The following PDZRN4 variants were observed in gnomAD, a reference collection of about 807,000 sequenced individuals.
PDZRN4 encodes the protein PDZ domain containing ring finger 4.
PDZRN4 carries 70 observed loss-of-function variants against 99.0 expected under a neutral mutation model. The observed-to-expected ratio is 0.71, with a 90% CI of 0.58 to 0.86. PDZRN4 has a LOEUF of 0.86. Ranked by LOEUF, PDZRN4 falls within the 40% of genes least tolerant of loss-of-function variation. The probability of loss-of-function intolerance (pLI) is 0.00; values close to 1 mark genes in which losing one functional copy is unlikely to be tolerated. For synonymous variants in PDZRN4, 551 were observed against 501.6 expected (o/e 1.10, Z -1.32); for missense variants, 1,474 against 1,331.2 (o/e 1.11, Z -1.67).
intron 3 of PDZRN4, among the ~76,000 whole-genome samples, chr12:41,353,697 T>C (rs573620202): frequency 6.6e-6 from 1 of 152,234 alleles, no homozygotes; most frequent in South Asian, 2.1e-4. Context: ...GCTCAGGGGC[T>C]GCCTGGCCTC....
intron 3 of PDZRN4, among the ~76,000 whole-genome samples, chr12:41,317,469 C>T (rs2120965979): frequency 6.6e-6 from 1 of 152,106 alleles, no homozygotes; most frequent in Non-Finnish European, 1.5e-5. Flanking sequence ...GTGTTCAGCT[C>T]ATCTAAAAAA....
chr12:41,242,628 G>GAC (rs112751345), intron 3 of PDZRN4, among the ~76,000 whole-genome samples: 6,511 of 148,620 alleles, frequency 0.044, 166 homozygotes, highest in East Asian at 0.065. Flanking sequence ...TGTTCTTGTG[G>GAC]ACACACACAC....
At chr12:41,291,888 G>A (rs1484219702) in intron 3 of PDZRN4, among the ~76,000 whole-genome samples, 1 of 152,114 alleles carries the variant, frequency 6.6e-6, no homozygotes, top group East Asian at 1.9e-4. Context: ...TGGTACATGA[G>A]ATGCAACCTT....
chr12:41,322,143 T>C (rs1951682769), intron 3 of PDZRN4, among the ~76,000 whole-genome samples: 1 of 152,038 alleles, frequency 6.6e-6, no homozygotes, highest in Admixed American at 6.6e-5. Context: ...GCTATCCTCC[T>C]ACCTCAGCCT....
intron 3 of PDZRN4, among the ~76,000 whole-genome samples, chr12:41,504,169 T>G (rs1938163916): frequency 6.6e-6 from 1 of 152,120 alleles, no homozygotes; most frequent in Non-Finnish European, 1.5e-5. Flanking sequence ...CTTGGGTGGC[T>G]GAGGCAGGAG....
intron 3 of PDZRN4, among the ~76,000 whole-genome samples, chr12:41,222,558 G>A (rs1024577474): frequency 1.1e-4 from 16 of 151,994 alleles, no homozygotes; most frequent in Admixed American, 2.6e-4. Flanking sequence ...TCACTCTGTC[G>A]CCCAGGCTGG....
intron 3 of PDZRN4, among the ~76,000 whole-genome samples, chr12:41,284,941 G>A (rs190788747): frequency 6.6e-6 from 1 of 152,100 alleles, no homozygotes; most frequent in East Asian, 1.9e-4. Flanking sequence ...TCAGGACATA[G>A]CATGGGCAAG....
intron 3 of PDZRN4, among the ~76,000 whole-genome samples, chr12:41,315,276 T>C (rs1371522712): frequency 6.6e-6 from 1 of 152,158 alleles, no homozygotes; most frequent in Non-Finnish European, 1.5e-5. Context: ...CTGACCAGTA[T>C]ATAAAATTCA....
intron 5 of PDZRN4, among the ~76,000 whole-genome samples, chr12:41,543,943 A>G (rs778490506): frequency 1.3e-5 from 2 of 152,236 alleles, no homozygotes; most frequent in East Asian, 3.8e-4. Flanking sequence ...CACATGGACT[A>G]GAAAGAAAAA....
chr12:41,262,319 T>A lies in PDZRN4; in HGVS notation c.843+68131T>A, dbSNP rs191789761. On this transcript the variant is annotated intron_variant, in intron 3 of 9. Transcript: ENST00000402685. The stretch of plus-strand genomic sequence containing the variant: ...TCACCTATGTGTCCACAACGTTCAC[T>A]TGCTGGCCCTTGTCTGATGTGTTAT... 6.7e-4 allele frequency among the ~76,000 whole-genome samples: 102 copies of A among 152,328 alleles called. No individual in the cohort carries two copies. The Middle Eastern group carries it at 0.02, about 30-fold the overall frequency.
At chr12:41,283,416 G>A (rs149290241) in intron 3 of PDZRN4, among the ~76,000 whole-genome samples, 2,193 of 152,196 alleles carry the variant, frequency 0.014, 21 homozygotes, top group Middle Eastern at 0.034. Context: ...ATTCACAGCC[G>A]AATTCTACCA....
At chr12:41,506,371 C>A (rs888487127) in intron 3 of PDZRN4, 85 bp from the exon 4 acceptor site, 6 of 1,318,912 alleles carry the variant, frequency 4.5e-6, no homozygotes, top group South Asian at 1.5e-5. Flanking sequence ...CTGGTTGAAA[C>A]CTTTCTCTCT....
chr12:41,241,438 A>G (rs1951101272), intron 3 of PDZRN4, among the ~76,000 whole-genome samples: 2 of 152,224 alleles, frequency 1.3e-5, no homozygotes, highest in African/African-American at 2.4e-5. Context: ...TTAAAAATCA[A>G]TCCTTAAGCG....
At chr12:41,447,621 G>T (rs982378868) in intron 3 of PDZRN4, among the ~76,000 whole-genome samples, 2 of 152,046 alleles carry the variant, frequency 1.3e-5, no homozygotes, top group African/African-American at 4.8e-5. Flanking sequence ...TATAGTTAGG[G>T]TATCATTTCA....
intron 3 of PDZRN4, among the ~76,000 whole-genome samples, chr12:41,274,175 AGT>A (rs776859225): frequency 3.9e-5 from 6 of 152,090 alleles, no homozygotes; most frequent in Non-Finnish European, 5.9e-5. Context: ...CATCCTAATG[AGT>A]GTGTGTAAAG....
chr12:41,415,159 G>A (rs528907053), intron 3 of PDZRN4, among the ~76,000 whole-genome samples: 1 of 152,002 alleles, frequency 6.6e-6, no homozygotes, highest in South Asian at 2.1e-4. Context: ...GAGAACTTGT[G>A]GAAAGTGTTG....
chr12:41,502,521 C>T (rs1366243956), intron 3 of PDZRN4, among the ~76,000 whole-genome samples: 1 of 152,120 alleles, frequency 6.6e-6, no homozygotes, highest in Non-Finnish European at 1.5e-5. Context: ...CCTCTTCCCT[C>T]AGTTTTGCTC....
At chr12:41,496,407 A>G (rs1325039437) in intron 3 of PDZRN4, among the ~76,000 whole-genome samples, 1 of 152,042 alleles carries the variant, frequency 6.6e-6, no homozygotes, top group Non-Finnish European at 1.5e-5. Context: ...CTCTGAGTGG[A>G]TATTATTATC....
chr12:41,350,205 A>G (rs1180652433), intron 3 of PDZRN4, among the ~76,000 whole-genome samples: 2 of 152,026 alleles, frequency 1.3e-5, no homozygotes, highest in African/African-American at 2.4e-5. Context: ...CTGCTATCAA[A>G]TCACTCTAAT....
Sources: gnomAD v4.1 joint callset for allele counts (sites outside exome capture counted in the v4.1 genomes callset) on GRCh38, gnomAD v4.1.1 for gene constraint, MANE v1.5 for transcripts, NCBI Gene and HGNC (gene_info 2026-07-23, HGNC 2026-07-21) for gene names.